REV3L: variants seen among roughly 807,000 people sequenced by gnomAD.
REV3L encodes the protein DNA polymerase zeta catalytic subunit.
Under a neutral mutation model 299.4 loss-of-function variants are expected in REV3L, and 69 were observed. The ratio of observed to expected loss-of-function variants is 0.23; its 90% confidence interval spans 0.19 to 0.28. REV3L has a LOEUF of 0.28. Among genes scored for constraint, REV3L ranks in the 10% least tolerant of loss-of-function variants. REV3L has a pLI of 1.00. For synonymous variants in REV3L, 1,238 were observed against 1,271.4 expected (o/e 0.97, Z 0.56); for missense variants, 3,128 against 3,693.8 (o/e 0.85, Z 3.97).
intron 13 of REV3L, among the ~76,000 whole-genome samples, chr6:111,369,175 G>A (rs533493685): frequency 4.0e-5 from 6 of 151,790 alleles, no homozygotes; most frequent in South Asian, 2.1e-4. Flanking sequence ...GTGAGGTGTC[G>A]GGAGGCTGAG....
intron 1 of REV3L, among the ~76,000 whole-genome samples, chr6:111,471,121 A>G (rs893958554): frequency 6.6e-6 from 1 of 152,220 alleles, no homozygotes; most frequent in African/African-American, 2.4e-5. Context: ...CACAATCCTA[A>G]GTACGTTTAA....
rs1780283834 is a variant in REV3L, at chr6:111,376,173, T to C, written c.2182A>G (p.Asn728Asp). 3 of 1,612,144 alleles carry C rather than the reference T, an allele frequency of 1.9e-6. No homozygotes were observed. Among genetic ancestry groups the C allele is most frequent in the Non-Finnish European group, 2.5e-6 (3 of 1,179,788 alleles). ...KVSSEGNEKG[N>D]STALSSLFPS... The stretch of plus-strand genomic sequence containing the variant: ...AATAAACTACTCAGAGCTGTGCTGT[T>C]TCCTTTTTCATTTCCTTCAGAGGAT... Residue 728 changes from asparagine (N) to aspartate (D), a missense_variant, in exon 13 of 32, where the codon AAC becomes GAC. Coordinates refer to ENST00000368802, the MANE Select transcript of REV3L (RefSeq NM_001372078.1).
rs1012941546 is a variant in REV3L at position 111,375,874 on chromosome 6, T to C, written c.2481A>G (p.Pro827=). 6.2e-7 allele frequency: 1 copy of C among 1,613,896 alleles called. No individual in the cohort carries two copies. The highest frequency in any genetic ancestry group is 8.5e-7 in the Non-Finnish European group (1 of 1,179,930). ...VTYKLQPGNK[P]SRLKLNKRKL... is the part of the protein sequence containing the mutation. ...TCCTTTTATTCAATTTTAACCGGGA[T>C]GGTTTATTGCCAGGTTGTAATTTAT... The change falls in exon 13 of 32, where the codon CCA becomes CCG. Residue 827 remains proline, a synonymous_variant. Transcript: ENST00000368802.
chr6:111,381,564 T>A, intron 9 of REV3L, 120 bp from the exon 10 acceptor site: 1 of 740,796 alleles, frequency 1.3e-6, no homozygotes, highest in Non-Finnish European at 2.1e-6. Flanking sequence ...TTCAAAATGT[T>A]AATGATGCAT....
At chr6:111,343,279 T>C (rs1339706761) in intron 21 of REV3L, among the ~76,000 whole-genome samples, 1 of 152,170 alleles carries the variant, frequency 6.6e-6, no homozygotes, top group East Asian at 1.9e-4. Context: ...ACATACTATG[T>C]TTTCTGAGTT....
intron 16 of REV3L, among the ~76,000 whole-genome samples, chr6:111,359,983 T>C (rs1205798590): frequency 1.3e-5 from 2 of 152,210 alleles, no homozygotes; most frequent in Non-Finnish European, 2.9e-5. Flanking sequence ...GTGGCAATCC[T>C]ACTCCTGAAA....
intron 3 of REV3L, among the ~76,000 whole-genome samples, chr6:111,407,202 G>A (rs1421624581): frequency 4.6e-5 from 7 of 152,168 alleles, no homozygotes; most frequent in South Asian, 2.1e-4. Flanking sequence ...CTATCCAGTA[G>A]ATGGTTTGAT....
In REV3L at chr6:111,343,954, G is replaced by A. The variant is rs148571196; in HGVS notation, c.7509C>T (p.Asp2503=). 2.5e-4 allele frequency: 402 copies of A among 1,610,588 alleles called. 2 individuals are homozygous for A. The highest frequency in any genetic ancestry group is 4.1e-5 in the Non-Finnish European group (48 of 1,177,958). ...FPLFTFRVLS[D]WFDNKTDLYR... is the part of the protein sequence containing the mutation. ...ATAGATCTGTCTTGTTATCAAACCA[G>A]TCTGACAAGACTCGAAAGGTAAAGA... Residue 2503 remains aspartate, a synonymous_variant, in exon 21 of 32, where the codon GAC becomes GAT. Coordinates refer to ENST00000368802, the MANE Select transcript of REV3L (RefSeq NM_001372078.1).
Position 111,482,998 on chromosome 6 carries a change from G to C in REV3L, c.-110C>G. 1 of 1,295,604 alleles carries C rather than the reference G, an allele frequency of 7.7e-7. No individual in the cohort carries two copies. Among genetic ancestry groups the C allele is most frequent in the Non-Finnish European group, 1.0e-6 (1 of 996,170 alleles). 80.3% of individuals were successfully genotyped at this position (1,295,604 alleles called of 1,614,324 possible). ...CGGCGCCCCCTCCCCTTCTCGGCAC[G>C]GCCCCCTCCCCTCACACAGAGGCAC... On this transcript the variant is annotated 5_prime_UTR_variant, in exon 1 of 32. Transcript: ENST00000368802.
intron 6 of REV3L, among the ~76,000 whole-genome samples, chr6:111,389,793 G>A (rs1781721852): frequency 7.8e-6 from 1 of 128,802 alleles, no homozygotes; most frequent in African/African-American, 2.9e-5. Context: ...CTGGAGTGCA[G>A]TGGTGCGATC....
chr6:111,392,943 T>G lies in REV3L; in HGVS notation c.595A>C (p.Lys199Gln). The G allele has an allele frequency of 1.2e-6, 2 of 1,612,072 alleles. No individual in the cohort carries two copies. The highest frequency in any genetic ancestry group is 1.7e-6 in the Non-Finnish European group (2 of 1,178,258). The change falls in exon 5 of 32, where the codon AAG becomes CAG. Residue 199 changes from lysine (K) to glutamine (Q), a missense_variant. Lys to Gln is a moderately conservative substitution (Grantham distance 53, BLOSUM62 1). Transcript: ENST00000368802. ...SNTLHATGSC[K>Q]NHLSGNSLAD... is the part of the protein sequence containing the mutation. ...AGAGAATTTCCTGATAAATGATTCT[T>G]GCAGGATCCAGTTGCATGCAATGTA...
chr6:111,431,209 T>A, intron 1 of REV3L: 1 of 1,564,096 alleles, frequency 6.4e-7, no homozygotes, highest in Non-Finnish European at 8.8e-7. Context: ...GGCAGATAGT[T>A]TACTGGATGT....
Position 111,311,258 on chromosome 6 carries a change from A to G in REV3L, c.8606T>C (p.Ile2869Thr), listed in dbSNP as rs1772947049. The G allele has an allele frequency of 6.3e-7, 1 of 1,590,756 alleles. No homozygotes were observed. The highest frequency in any genetic ancestry group is 8.6e-7 in the Non-Finnish European group (1 of 1,168,380). ...TAGCAGCTTTAGAGAACGCTCAAGTATCTTAAAACAAAAAAGATATGCAAG... is the reference window on the plus strand; with the variant it reads ...TAGCAGCTTTAGAGAACGCTCAAGTGTCTTAAAACAAAAAAGATATGCAAG... ...RRDSCPAVSK[I>T]LERSLKLLFE... The change falls in exon 29 of 32, where the codon ATA becomes ACA. Residue 2869 changes from isoleucine (I) to threonine (T), a missense_variant and splice_region_variant. Around this residue, in one of 9 missense-constraint regions of REV3L, gnomAD observed 294 missense variants for 377.0 expected, o/e 0.78. Coordinates refer to ENST00000368802, the MANE Select transcript of REV3L (RefSeq NM_001372078.1).
Position 111,381,302 on chromosome 6 carries a change from T to C in REV3L, c.1216+23A>G. On this transcript the variant is annotated intron_variant, in intron 10 of 31. Coordinates refer to ENST00000368802, the MANE Select transcript of REV3L (RefSeq NM_001372078.1). ...TTTCTCTGAATTACAATACTGAATA[T>C]TTATGGTAGCACTGTTACTTACTGA... The C allele has an allele frequency of 1.9e-6, 3 of 1,610,282 alleles. No homozygotes were observed. In the South Asian group the frequency reaches 3.3e-5, roughly 18 times the overall value.
intron 31 of REV3L, among the ~76,000 whole-genome samples, chr6:111,305,882 A>G (rs1302499285): frequency 6.6e-6 from 1 of 152,214 alleles, no homozygotes; most frequent in African/African-American, 2.4e-5. Flanking sequence ...AGAAGCTGGG[A>G]GCACCCAGTG....
chr6:111,338,774 GATATA>G (rs1218139454), intron 21 of REV3L, among the ~76,000 whole-genome samples: 1 of 151,920 alleles, frequency 6.6e-6, no homozygotes, highest in African/African-American at 2.4e-5. Context: ...TAAATAAATG[GATATA>G]ATAGTATATT....
chr6:111,442,749 T>TA, intron 1 of REV3L, among the ~76,000 whole-genome samples: 1 of 152,348 alleles, frequency 6.6e-6, no homozygotes, highest in South Asian at 2.1e-4. Context: ...CCTTATCAGT[T>TA]GTCTTATTAA....
At position 111,373,565 on chromosome 6, in the gene REV3L, T is replaced by C. The variant is rs746504641; in HGVS notation, c.4790A>G (p.Lys1597Arg). 6.2e-7 allele frequency: 1 copy of C among 1,613,978 alleles called. No homozygotes were observed. Among genetic ancestry groups the C allele is most frequent in the South Asian group, 1.1e-5 (1 of 91,060 alleles). ...RSTKQKEKIP[K>R]LLKVDSLNLQ... ...ATTTAAAGAGTCTACTTTGAGAAGT[T>C]TGGGGATTTTTTCTTTTTGTTTTGT... is the stretch of plus-strand genomic sequence containing the variant. The change falls in exon 13 of 32, where the codon AAA (lysine) becomes AGA (arginine). Residue 1597 changes from lysine (K) to arginine (R), a missense_variant. By Grantham distance (26) the Lys-to-Arg change is conservative (BLOSUM62 2). Around this residue, in one of 9 missense-constraint regions of REV3L, gnomAD observed 2,409 missense variants for 2,611.8 expected, o/e 0.92. Transcript: ENST00000368802.
chr6:111,316,667 AAAAAAAAAAAG>A (rs1428916706), intron 26 of REV3L, among the ~76,000 whole-genome samples: 1 of 149,742 alleles, frequency 6.7e-6, no homozygotes, highest in Admixed American at 6.7e-5. Context: ...CTCCGTCTCA[AAAAAAAAAAAG>A]AAAAAAAAAA....
Sources: gnomAD v4.1 joint callset for allele counts (sites outside exome capture counted in the v4.1 genomes callset) on GRCh38, gnomAD v4.1.1 for gene constraint, gnomAD v4.1.1 regional missense constraint, MANE v1.5 for transcripts, NCBI Gene and HGNC (gene_info 2026-07-23, HGNC 2026-07-21) for gene names.